Variants in TENM2 observed in about 807,000 individuals in gnomAD.
TENM2 encodes teneurin transmembrane protein 2.
In TENM2, 52 loss-of-function variants were observed where a neutral mutation model predicts 245.2. The ratio of observed to expected loss-of-function variants is 0.21; its 90% confidence interval spans 0.17 to 0.27. TENM2 has a LOEUF of 0.27. Among genes scored for constraint, TENM2 ranks in the 10% least tolerant of loss-of-function variants. TENM2 has a pLI of 1.00. For synonymous variants in TENM2, 1,363 were observed against 1,438.9 expected (o/e 0.95, Z 1.19); for missense variants, 3,046 against 3,666.8 (o/e 0.83, Z 4.37).
the TENM2 span, among the ~76,000 whole-genome samples, chr5:167,031,688 C>G: frequency 6.6e-6 from 1 of 152,108 alleles, no homozygotes; most frequent in Non-Finnish European, 1.5e-5. Flanking sequence ...CCTCAGCCTC[C>G]CGAGTAGCTG....
intron 2 of TENM2, among the ~76,000 whole-genome samples, chr5:167,797,594 G>A (rs1325448274): frequency 2.6e-5 from 4 of 152,122 alleles, no homozygotes; most frequent in African/African-American, 9.7e-5. Flanking sequence ...TGTGTGGTGG[G>A]TAAATAGAAA....
At chr5:167,960,894 GC>G (rs1286710851) in intron 4 of TENM2, among the ~76,000 whole-genome samples, 1 of 152,218 alleles carries the variant, frequency 6.6e-6, no homozygotes, top group Non-Finnish European at 1.5e-5. Flanking sequence ...CAGTATCTGG[GC>G]CGGAATGCAC....
chr5:167,976,459 C>A (rs1385817188), intron 4 of TENM2, among the ~76,000 whole-genome samples: 3 of 152,066 alleles, frequency 2.0e-5, no homozygotes, highest in African/African-American at 7.3e-5. Flanking sequence ...ATGTTTACTC[C>A]ATTTCCCAAA....
chr5:167,615,712 A>C (rs2127759171), intron 2 of TENM2, among the ~76,000 whole-genome samples: 1 of 152,188 alleles, frequency 6.6e-6, no homozygotes, highest in South Asian at 2.1e-4. Context: ...GAGACAACCA[A>C]CAGCCCATTT....
At chr5:167,135,716 G>C in the TENM2 span, among the ~76,000 whole-genome samples, 15 of 152,138 alleles carry the variant, frequency 9.9e-5, no homozygotes, top group African/African-American at 3.4e-4. Flanking sequence ...GGAGGTTGCA[G>C]TGAGCCAAGG....
intron 25 of TENM2, among the ~76,000 whole-genome samples, chr5:168,231,760 CAACA>C (rs1302527445): frequency 6.8e-6 from 1 of 147,896 alleles, no homozygotes; most frequent in Non-Finnish European, 1.5e-5. Flanking sequence ...GTCTCTACAA[CAACA>C]AACAACAACA....
chr5:168,242,972 CTTA>C (rs1018375462), intron 25 of TENM2, among the ~76,000 whole-genome samples: 20 of 150,692 alleles, frequency 1.3e-4, no homozygotes, highest in Admixed American at 1.3e-3. Context: ...AAAAAAAAAA[CTTA>C]TTATTACTAT....
At chr5:167,562,041 G>C (rs1773626192) in intron 2 of TENM2, among the ~76,000 whole-genome samples, 1 of 152,154 alleles carries the variant, frequency 6.6e-6, no homozygotes, top group African/African-American at 2.4e-5. Flanking sequence ...TGGTGAGCGT[G>C]GAGGGATTCG....
At chr5:167,195,996 G>A in the TENM2 span, among the ~76,000 whole-genome samples, 3 of 151,934 alleles carry the variant, frequency 2.0e-5, no homozygotes, top group Non-Finnish European at 4.4e-5. Flanking sequence ...ATCACTCGTT[G>A]TTTAATACTG....
chr5:167,643,454 G>T (rs1414969336), intron 2 of TENM2, among the ~76,000 whole-genome samples: 2 of 151,928 alleles, frequency 1.3e-5, no homozygotes, highest in South Asian at 2.1e-4. Context: ...TGCGTCAGTG[G>T]TTCATTTTTT....
intron 2 of TENM2, among the ~76,000 whole-genome samples, chr5:167,398,100 G>A (rs191756072): frequency 5.3e-4 from 80 of 152,128 alleles, no homozygotes; most frequent in African/African-American, 1.9e-3. Context: ...TAGCTATATG[G>A]CCATTACTAT....
chr5:167,061,344 C>A, the TENM2 span, among the ~76,000 whole-genome samples: 2 of 152,116 alleles, frequency 1.3e-5, no homozygotes, highest in African/African-American at 4.8e-5. Context: ...AAGGGTAACA[C>A]CTTGCTCAGA....
chr5:167,200,649 C>T, the TENM2 span, among the ~76,000 whole-genome samples: 2 of 152,048 alleles, frequency 1.3e-5, no homozygotes, highest in South Asian at 4.2e-4. Flanking sequence ...AATTAAAAGT[C>T]AGCATCTCCA....
At chr5:167,394,647 G>T (rs568525727) in intron 2 of TENM2, among the ~76,000 whole-genome samples, 1 of 152,024 alleles carries the variant, frequency 6.6e-6, no homozygotes, top group African/African-American at 2.4e-5. Context: ...AGGCTGGAGC[G>T]CAGTGGTGTG....
chr5:167,311,075 T>G (rs965471885), intron 1 of TENM2, among the ~76,000 whole-genome samples: 4 of 152,208 alleles, frequency 2.6e-5, no homozygotes, highest in Non-Finnish European at 5.9e-5. Context: ...AGCATGTTCA[T>G]TAGCACTTGG....
intron 12 of TENM2, among the ~76,000 whole-genome samples, chr5:168,153,821 T>TG (rs1756870094): frequency 6.6e-6 from 1 of 152,100 alleles, no homozygotes; most frequent in Non-Finnish European, 1.5e-5. Context: ...CTGCTGCTGG[T>TG]CCCAGGACCA....
intron 3 of TENM2, among the ~76,000 whole-genome samples, chr5:167,921,463 A>G (rs1777364561): frequency 6.6e-6 from 1 of 152,198 alleles, no homozygotes; most frequent in African/African-American, 2.4e-5. Flanking sequence ...TTCCTGGTCA[A>G]TGTGAAGAAT....
At position 168,244,387 on chromosome 5, in the gene TENM2, G is replaced by A. The variant is rs1193300035; in HGVS notation, c.5521-33G>A. On this transcript the variant is annotated intron_variant, in intron 25 of 28. Coordinates refer to ENST00000518659, the Ensembl canonical transcript of TENM2. The surrounding 1 kb of genome is among the most constrained non-coding windows in gnomAD (Gnocchi z 4.9). ...GCCTGAGCCGGCATGCCTGGGTGAT[G>A]TCTTTCAAACAAGGCCTGTTGTGTT... 2.0e-6 allele frequency: 3 copies of A among 1,469,126 alleles called. No homozygotes were observed. The highest frequency in any genetic ancestry group is 2.5e-5 in the East Asian group (1 of 40,552). 91.0% of individuals were successfully genotyped at this position (1,469,126 alleles called of 1,614,324 possible). A position where few individuals can be genotyped will look rare whatever the true frequency, so the allele number is the denominator to read the frequency against.
Position 167,872,563 on chromosome 5 carries a change from AAAG to A in TENM2, c.503-3420_503-3418del, listed in dbSNP as rs1468163065. ...AAGAAAGAAAGAGAAAGAAAGAAAGAAAGAAAGAAAGAAAGAAAGAGTATACCA... is the reference window on the plus strand; with the variant it reads ...AAGAAAGAAAGAGAAAGAAAGAAAGAAAAGAAAGAAAGAAAGAGTATACCA... On this transcript the variant is annotated intron_variant, in intron 2 of 28. Transcript: ENST00000518659. 1.6e-4 allele frequency among the ~76,000 whole-genome samples: 11 copies of A among 69,982 alleles called. 1 individual carries two copies. The South Asian group carries it at 3.6e-3, about 23-fold the overall frequency. The allele number at this position is 69,982 out of a possible 152,430, so 45.9% of individuals were successfully genotyped here.
Sources: allele counts gnomAD v4.1 joint callset (sites outside exome capture counted in the v4.1 genomes callset), GRCh38; gene constraint gnomAD v4.1.1; non-coding constraint Gnocchi (gnomAD v3.1); transcripts MANE v1.5; gene names NCBI Gene and HGNC (gene_info 2026-07-23, HGNC 2026-07-21).